The following LAMA2 variants were observed in gnomAD, a reference collection of about 807,000 sequenced individuals.
LAMA2 encodes laminin subunit alpha-2.
A neutral mutation model predicts 364.8 loss-of-function variants in LAMA2; 269 were observed. That is an observed-to-expected ratio of 0.74 (90% CI 0.67 to 0.82). The LOEUF (loss-of-function observed/expected upper bound fraction) is 0.82. Among genes scored for constraint, LAMA2 ranks in the 40% least tolerant of loss-of-function variants. The pLI is 0.00. For synonymous variants in LAMA2, 1,379 were observed against 1,370.6 expected, an observed-to-expected ratio of 1.01 and a Z score of -0.14; for missense variants, 3,807 against 3,873.2, an observed-to-expected ratio of 0.98 and a Z score of 0.45.
intron 4 of LAMA2, among the ~76,000 whole-genome samples, chr6:129,138,765 AC>A (rs1777948328): frequency 2.0e-5 from 3 of 152,260 alleles, no homozygotes; most frequent in African/African-American, 7.2e-5. Context: ...AAAGCTACTG[AC>A]AATTCATAAA....
chr6:128,981,784 G>C (rs558564247), intron 1 of LAMA2, among the ~76,000 whole-genome samples: 2 of 152,070 alleles, frequency 1.3e-5, no homozygotes, highest in South Asian at 4.2e-4. Flanking sequence ...CTGCCTTCCA[G>C]TTCCTCCAAA....
intron 53 of LAMA2, among the ~76,000 whole-genome samples, chr6:129,477,503 T>C (rs1280607888): frequency 6.6e-6 from 1 of 152,160 alleles, no homozygotes; most frequent in Non-Finnish European, 1.5e-5. Flanking sequence ...CCATTTCACA[T>C]ATAAGAACAC....
At chr6:129,255,036 A>ATT (rs56778619) in intron 14 of LAMA2, among the ~76,000 whole-genome samples, 1 of 146,970 alleles carries the variant, frequency 6.8e-6, no homozygotes, top group African/African-American at 2.5e-5. Context: ...GAAATGATGT[A>ATT]TTTTTTTTTT....
intron 34 of LAMA2, among the ~76,000 whole-genome samples, chr6:129,373,872 C>G (rs1778226092): frequency 1.3e-5 from 2 of 152,048 alleles, no homozygotes; most frequent in South Asian, 4.1e-4. Context: ...GGATATTGAC[C>G]CTGATCACCT....
intron 1 of LAMA2, chr6:128,929,898 G>C (rs1020670354): frequency 1.3e-5 from 11 of 870,182 alleles, no homozygotes; most frequent in Non-Finnish European, 5.7e-6. Flanking sequence ...TGAGTGTATG[G>C]GATGTGCAGG....
rs528604318 is a variant in LAMA2 at position 129,338,938 on chromosome 6, A to G, written c.4312-3405A>G. Among the ~76,000 whole-genome samples, 8 of 130,890 alleles carry G rather than the reference A, an allele frequency of 6.1e-5. No homozygotes were observed. The East Asian group carries it at 2.1e-3, about 35-fold the overall frequency. 85.9% of individuals were successfully genotyped at this position (130,890 alleles called of 152,430 possible). A position where few individuals can be genotyped will look rare whatever the true frequency, so the allele number is the denominator to read the frequency against. ...CAAAGAAAGCAGTGGCTACAGCTAC[A>G]TATGGAGGGGTAAGCACAGTGGTGG... On this transcript the variant is annotated intron_variant, in intron 29 of 64. Transcript: ENST00000421865.
At chr6:128,883,402 G>T (rs781320224) in intron 1 of LAMA2, 45 bp downstream of exon 1, 84 of 1,551,066 alleles carry the variant, frequency 5.4e-5, no homozygotes, top group Non-Finnish European at 7.0e-5. Context: ...TGCCGGGACC[G>T]AGATTCCTCA....
chr6:129,274,787 T>C (rs909396282), intron 17 of LAMA2, among the ~76,000 whole-genome samples: 10 of 152,052 alleles, frequency 6.6e-5, no homozygotes. Flanking sequence ...GAGAAGCAAA[T>C]AACAATGTAA....
intron 1 of LAMA2, among the ~76,000 whole-genome samples, chr6:129,046,338 ACT>A (rs1395419066): frequency 6.6e-6 from 1 of 152,158 alleles, no homozygotes; most frequent in African/African-American, 2.4e-5. Flanking sequence ...GGTTTAATAG[ACT>A]CACAGTTCCA....
intron 56 of LAMA2, among the ~76,000 whole-genome samples, chr6:129,487,132 T>C (rs1452970341): frequency 1.3e-5 from 2 of 152,206 alleles, no homozygotes; most frequent in Non-Finnish European, 2.9e-5. Context: ...TCCCAAGGTT[T>C]GCAGGGTCCC....
chr6:129,191,556 A>G (rs1781524736), intron 11 of LAMA2, among the ~76,000 whole-genome samples: 1 of 152,218 alleles, frequency 6.6e-6, no homozygotes, highest in Admixed American at 6.5e-5. Flanking sequence ...GATGCTAGAG[A>G]CACAGAATCC....
At chr6:128,983,592 G>A (rs961371666) in intron 1 of LAMA2, among the ~76,000 whole-genome samples, 2 of 152,172 alleles carry the variant, frequency 1.3e-5, no homozygotes, top group Non-Finnish European at 2.9e-5. Context: ...AAGAATGGTA[G>A]GAAAGGATGG....
chr6:129,457,673 A>G (rs1783039834), intron 48 of LAMA2, among the ~76,000 whole-genome samples: 1 of 152,128 alleles, frequency 6.6e-6, no homozygotes, highest in Non-Finnish European at 1.5e-5. Context: ...TTTTTACAAC[A>G]ACCCCAAAAA....
chr6:129,268,340 T>G (rs1466570130), intron 16 of LAMA2, among the ~76,000 whole-genome samples: 2 of 151,726 alleles, frequency 1.3e-5, no homozygotes, highest in Non-Finnish European at 2.9e-5. Context: ...TAAAATGTAC[T>G]TTGGGAAAAA....
intron 13 of LAMA2, 139 bp from the exon 14 acceptor site, chr6:129,251,944 AT>A (rs1246966619): frequency 8.0e-5 from 51 of 636,806 alleles, no homozygotes; most frequent in Middle Eastern, 4.3e-4. Flanking sequence ...CCAAAAAAAA[AT>A]AAATAAATAA....
At chr6:129,198,484 A>C (rs986091601) in intron 12 of LAMA2, among the ~76,000 whole-genome samples, 1 of 152,178 alleles carries the variant, frequency 6.6e-6, no homozygotes, top group Non-Finnish European at 1.5e-5. Context: ...GCTTATTCAA[A>C]AGAAAGGGAA....
chr6:128,982,318 C>T (rs80165925), intron 1 of LAMA2, among the ~76,000 whole-genome samples: 1,776 of 152,256 alleles, frequency 0.012, 34 homozygotes, highest in African/African-American at 0.041. Context: ...CTTTTACATA[C>T]CTACTGTGTA....
intron 30 of LAMA2, among the ~76,000 whole-genome samples, chr6:129,344,945 AG>A (rs1776463323): frequency 6.6e-6 from 1 of 152,226 alleles, no homozygotes; most frequent in Non-Finnish European, 1.5e-5. Flanking sequence ...TTGTTCAGCA[AG>A]GAGACAAGAG....
chr6:129,007,444 T>C (rs770334963), intron 1 of LAMA2, among the ~76,000 whole-genome samples: 12 of 152,158 alleles, frequency 7.9e-5, no homozygotes, highest in Non-Finnish European at 1.8e-4. Context: ...AATTGAGGAT[T>C]CTAGATGCTA....
Sources: allele counts gnomAD v4.1 joint callset (sites outside exome capture counted in the v4.1 genomes callset), GRCh38; gene constraint gnomAD v4.1.1; transcripts MANE v1.5; gene names NCBI Gene and HGNC (gene_info 2026-07-23, HGNC 2026-07-21).